MON1B: variants seen among roughly 807,000 people sequenced by gnomAD.
The protein encoded by MON1B is MON1 vesicular trafficking associated B, also known as vacuolar fusion protein MON1 homolog B.
A neutral mutation model predicts 45.1 loss-of-function variants in MON1B; 26 were observed. That is an observed-to-expected ratio of 0.58 (90% CI 0.42 to 0.80). MON1B has a LOEUF of 0.80. MON1B is among the 30% of genes least tolerant of loss of function. The pLI is 0.00. For synonymous variants in MON1B, 395 were observed against 320.2 expected, an observed-to-expected ratio of 1.23 and a Z score of -2.49; for missense variants, 737 against 754.5, an observed-to-expected ratio of 0.98 and a Z score of 0.27.
In MON1B at chr16:77,194,236, GGTGT is replaced by G. The variant is rs1597375419; in HGVS notation, c.476-94_476-91del. 9.2e-7 allele frequency: 1 copy of G among 1,090,030 alleles called. No individual in the cohort carries two copies. The allele number at this position is 1,090,030 out of a possible 1,614,324, so 67.5% of individuals were successfully genotyped here. On this transcript the variant is annotated intron_variant, in intron 3 of 5. Transcript: ENST00000248248. This position sits in a 1 kb window ranked among gnomAD's most constrained non-coding sequence, Gnocchi z 8.1. ...AGAGTGAGCATGTGGACTCGGGCCT[GGTGT>G]GTGTATGGTAGGAGAGGGCAGAAGA...
In MON1B at chr16:77,200,121, G is replaced by C. The variant is rs2142507305; in HGVS notation, c.*1813G>C. On this transcript the variant is annotated 3_prime_UTR_variant, in exon 6 of 6. Coordinates refer to ENST00000248248, the MANE Select transcript of MON1B (RefSeq NM_014940.4). ...CCGAGGCGGGCGGATCACGAGGTTA[G>C]GAGTTCGAGGCCAGCCTGACCAACA... 1 of 150,600 alleles carries C rather than the reference G, an allele frequency of 6.6e-6. No individual in the cohort carries two copies. The highest frequency in any genetic ancestry group is 1.5e-5 in the Non-Finnish European group (1 of 67,656). 9.3% of individuals were successfully genotyped at this position (150,600 alleles called of 1,614,324 possible).
Position 77,198,680 on chromosome 16 carries a change from G to A in MON1B, c.*372G>A. 1 of 281,578 alleles carries A rather than the reference G, an allele frequency of 3.6e-6. No individual in the cohort carries two copies. The highest frequency in any genetic ancestry group is 6.8e-6 in the Non-Finnish European group (1 of 146,774). The allele number at this position is 281,578 out of a possible 1,614,324, so 17.4% of individuals were successfully genotyped here. ...CTGAGTGTCCAGATCTGGCCAAGGT[G>A]TCTAGGGTGGCCCACGGGGGTGCTG... is the stretch of plus-strand genomic sequence containing the variant. On this transcript the variant is annotated 3_prime_UTR_variant, in exon 6 of 6. Transcript: ENST00000248248.
rs895041630 is a variant in MON1B at position 77,200,851 on chromosome 16, G to A, written c.*2543G>A. ...TTTTTGTTATAGAAATATTCAAAGT[G>A]TACCAACGTAGAGAAAATAGCTTTA... is the stretch of plus-strand genomic sequence containing the variant. On this transcript the variant is annotated 3_prime_UTR_variant, in exon 6 of 6. Transcript: ENST00000248248. 1 of 151,632 alleles carries A rather than the reference G, an allele frequency of 6.6e-6. No individual in the cohort carries two copies. The highest frequency in any genetic ancestry group is 2.4e-5 in the African/African-American group (1 of 41,242). 9.4% of individuals were successfully genotyped at this position (151,632 alleles called of 1,614,324 possible).
In MON1B at chr16:77,194,287, C is replaced by T. The variant is rs2054641449; in HGVS notation, c.476-48C>T. ...AAGAGCCCCACTGTCTCCCTCTGGT[C>T]ATTCCTGATCCAGCTGTACCCCCCC... On this transcript the variant is annotated intron_variant, in intron 3 of 5. Coordinates refer to ENST00000248248, the MANE Select transcript of MON1B (RefSeq NM_014940.4). This position sits in a 1 kb window ranked among gnomAD's most constrained non-coding sequence, Gnocchi z 8.1. The T allele has an allele frequency of 6.6e-7, 1 of 1,514,384 alleles. No homozygotes were observed. The highest frequency in any genetic ancestry group is 9.1e-7 in the Non-Finnish European group (1 of 1,103,218). The allele number at this position is 1,514,384 out of a possible 1,614,324, so 93.8% of individuals were successfully genotyped here. A position where few individuals can be genotyped will look rare whatever the true frequency, so the allele number is the denominator to read the frequency against.
chr16:77,191,724 T>A, intron 2 of MON1B, 91 bp downstream of exon 2: 1 of 1,430,876 alleles, frequency 7.0e-7, no homozygotes, highest in Non-Finnish European at 9.4e-7. Context: ...CAGTAGGGAG[T>A]CTTGGGACTT....
Position 77,193,474 on chromosome 16 carries a change from C to T in MON1B, c.172C>T (p.Pro58Ser), listed in dbSNP as rs1235452426. Residue 58 changes from proline to serine, a missense_variant, in exon 3 of 6, where the codon CCC becomes TCC. Physicochemically the swap from Pro to Ser is moderately conservative, Grantham distance 74 (BLOSUM62 -1). Transcript: ENST00000248248. This position sits in a 1 kb window ranked among gnomAD's most constrained non-coding sequence, Gnocchi z 5.0. ...AGGATCCAAGGACAAGGACCAGCCA[C>T]CCAGCCCATCACCACCGCCCCAGTC... Reference protein sequence around the residue: ...ETGSKDKDQPPSPSPPPQSEA... With the variant: ...ETGSKDKDQPSSPSPPPQSEA... 3 of 1,573,892 alleles carry T rather than the reference C, an allele frequency of 1.9e-6. No individual in the cohort carries two copies. The highest frequency in any genetic ancestry group is 1.2e-5 in the South Asian group (1 of 84,962).
In MON1B at chr16:77,194,790, G is replaced by C; in HGVS notation, c.931G>C (p.Val311Leu). Reference protein sequence around the residue: ...PADLQLLLDWVGAPAFAAGEA... With the variant: ...PADLQLLLDWLGAPAFAAGEA... The stretch of plus-strand genomic sequence containing the variant: ...TGACCTGCAGTTGCTGCTCGACTGG[G>C]TGGGTGCACCAGCCTTTGCGGCGGG... The change falls in exon 4 of 6, where the codon GTG (valine) becomes CTG (leucine). Residue 311 changes from valine (V) to leucine (L), a missense_variant. Coordinates refer to ENST00000248248, the MANE Select transcript of MON1B (RefSeq NM_014940.4). This position sits in a 1 kb window ranked among gnomAD's most constrained non-coding sequence, Gnocchi z 8.1. 1 of 1,613,818 alleles carries C rather than the reference G, an allele frequency of 6.2e-7. No individual in the cohort carries two copies. The highest frequency in any genetic ancestry group is 8.5e-7 in the Non-Finnish European group (1 of 1,180,004).
In MON1B at chr16:77,193,357, C is replaced by T. The variant is rs2054632529; in HGVS notation, c.149-94C>T. The T allele has an allele frequency of 6.4e-6, 8 of 1,251,140 alleles. No individual in the cohort carries two copies. Among genetic ancestry groups the T allele is most frequent in the Non-Finnish European group, 8.9e-6 (8 of 899,694 alleles). The allele number at this position is 1,251,140 out of a possible 1,614,324, so 77.5% of individuals were successfully genotyped here. A position where few individuals can be genotyped will look rare whatever the true frequency, so the allele number is the denominator to read the frequency against. On this transcript the variant is annotated intron_variant, in intron 2 of 5. Transcript: ENST00000248248. The surrounding 1 kb of genome is among the most constrained non-coding windows in gnomAD (Gnocchi z 5.0). ...GAGTTCTGCGTCAGCATGCAGGGGT[C>T]ATGGAGGGGCTAGTAGATATTTGGT...
rs753152585 is a variant in MON1B, at chr16:77,194,291, C to T, written c.476-44C>T. ...GCCCCACTGTCTCCCTCTGGTCATT[C>T]CTGATCCAGCTGTACCCCCCCTTCT... On this transcript the variant is annotated intron_variant, in intron 3 of 5. Coordinates refer to ENST00000248248, the MANE Select transcript of MON1B (RefSeq NM_014940.4). This position sits in a 1 kb window ranked among gnomAD's most constrained non-coding sequence, Gnocchi z 8.1. 1 of 1,537,456 alleles carries T rather than the reference C, an allele frequency of 6.5e-7. No homozygotes were observed. The highest frequency in any genetic ancestry group is 1.7e-5 in the Admixed American group (1 of 59,914).
chr16:77,200,291 T>TATATATATATATATATATATATACACAC lies in MON1B; in HGVS notation c.*1984_*1985insTATATATATATATATATATATACACACA. On this transcript the variant is annotated 3_prime_UTR_variant, in exon 6 of 6. Transcript: ENST00000248248. The stretch of plus-strand genomic sequence containing the variant: ...ATATATGTGTATATATATATATATA[T>TATATATATATATATATATATATACACAC]ACACACACTAATCAGCCGGGCGCGG... 7.2e-5 allele frequency: 8 copies of TATATATATATATATATATATATACACAC among 111,436 alleles called. No individual in the cohort carries two copies. Among genetic ancestry groups the TATATATATATATATATATATATACACAC allele is most frequent in the African/African-American group, 2.7e-4 (8 of 29,776 alleles). 6.9% of individuals were successfully genotyped at this position (111,436 alleles called of 1,614,324 possible).
In MON1B at chr16:77,194,572, A is replaced by C. The variant is rs764842095; in HGVS notation, c.713A>C (p.Gln238Pro). ...TLDRLLDSME[Q>P]DPGALLLGAV... ...GACCGACTTCTGGACAGTATGGAGCAGGACCCAGGAGCCCTGCTCCTGGGT... is the reference window on the plus strand; with the variant it reads ...GACCGACTTCTGGACAGTATGGAGCCGGACCCAGGAGCCCTGCTCCTGGGT... Residue 238 changes from glutamine (Q) to proline (P), a missense_variant, in exon 4 of 6, where the codon CAG (glutamine) becomes CCG (proline). Physicochemically the swap from Gln to Pro is moderately conservative, Grantham distance 76. Transcript: ENST00000248248. This position sits in a 1 kb window ranked among gnomAD's most constrained non-coding sequence, Gnocchi z 8.1. 1 of 1,613,832 alleles carries C rather than the reference A, an allele frequency of 6.2e-7. No homozygotes were observed. The highest frequency in any genetic ancestry group is 8.5e-7 in the Non-Finnish European group (1 of 1,179,926).
chr16:77,191,542 G>A lies in MON1B; in HGVS notation c.57G>A (p.Glu19=). 6.2e-7 allele frequency: 1 copy of A among 1,609,616 alleles called. No homozygotes were observed. Among genetic ancestry groups the A allele is most frequent in the Non-Finnish European group, 8.5e-7 (1 of 1,178,822 alleles). The part of the protein sequence containing the change: ...APAPGGAEDL[E]DTQFPSEEAR... ...CCCCCGGGGGCGCGGAGGACTTGGA[G>A]GACACGCAGTTCCCCAGTGAGGAAG... Residue 19 remains glutamate (E), a synonymous_variant, in exon 2 of 6, where the codon GAG becomes GAA. Coordinates refer to ENST00000248248, the MANE Select transcript of MON1B (RefSeq NM_014940.4).
chr16:77,199,411 A>G lies in MON1B; in HGVS notation c.*1103A>G, dbSNP rs2054704082. On this transcript the variant is annotated 3_prime_UTR_variant, in exon 6 of 6. Transcript: ENST00000248248. Reference sequence around the variant, plus strand: ...CCCTCACGTGGTTTCTTTTTTAACCAGTCATCAAGCGAGGCTCGCGCGCAG... The same window carrying G: ...CCCTCACGTGGTTTCTTTTTTAACCGGTCATCAAGCGAGGCTCGCGCGCAG... 4.5e-6 allele frequency: 7 copies of G among 1,545,906 alleles called. No homozygotes were observed. The highest frequency in any genetic ancestry group is 1.4e-5 in the African/African-American group (1 of 72,682).
At chr16:77,197,401 C>CA (rs893920752) in intron 5 of MON1B, among the ~76,000 whole-genome samples, 9 of 151,966 alleles carry the variant, frequency 5.9e-5, no homozygotes, top group Non-Finnish European at 1.0e-4. Context: ...ACGTCAAAAA[C>CA]AAAAAAACAA....
Position 77,199,485 on chromosome 16 carries a change from G to T in MON1B, c.*1177G>T. 7.1e-6 allele frequency: 11 copies of T among 1,551,538 alleles called. No homozygotes were observed. The highest frequency in any genetic ancestry group is 8.7e-6 in the Non-Finnish European group (10 of 1,146,964). On this transcript the variant is annotated 3_prime_UTR_variant, in exon 6 of 6. Transcript: ENST00000248248. ...GAAGCTGAAACCTCTGAATGTGGAG[G>T]CGCCAGAAGCTACTGAGGAGGCTGA...
chr16:77,191,320 A>G (rs2054612503), intron 1 of MON1B, 62 bp downstream of exon 1: 15 of 1,535,780 alleles, frequency 9.8e-6, no homozygotes, highest in South Asian at 4.7e-5. Context: ...AAAGTGTTGG[A>G]GGGGGGACGT....
chr16:77,198,686 G>T lies in MON1B; in HGVS notation c.*378G>T, dbSNP rs905258221. The T allele has an allele frequency of 1.1e-5, 3 of 273,390 alleles. No individual in the cohort carries two copies. Among genetic ancestry groups the T allele is most frequent in the South Asian group, 4.8e-5 (1 of 20,624 alleles). 16.9% of individuals were successfully genotyped at this position (273,390 alleles called of 1,614,324 possible). On this transcript the variant is annotated 3_prime_UTR_variant, in exon 6 of 6. Coordinates refer to ENST00000248248, the MANE Select transcript of MON1B (RefSeq NM_014940.4). ...GTCCAGATCTGGCCAAGGTGTCTAG[G>T]GTGGCCCACGGGGGTGCTGGAATTG...
Position 77,194,056 on chromosome 16 carries a change from C to G in MON1B, c.475+279C>G. 1.7e-6 allele frequency: 1 copy of G among 599,122 alleles called. No individual in the cohort carries two copies. The highest frequency in any genetic ancestry group is 3.0e-6 in the Non-Finnish European group (1 of 337,254). The allele number at this position is 599,122 out of a possible 1,614,324, so 37.1% of individuals were successfully genotyped here. On this transcript the variant is annotated intron_variant, in intron 3 of 5. Coordinates refer to ENST00000248248, the MANE Select transcript of MON1B (RefSeq NM_014940.4). The surrounding 1 kb of genome is among the most constrained non-coding windows in gnomAD (Gnocchi z 8.1). The stretch of plus-strand genomic sequence containing the variant: ...TGGGGGCTGTGTGGTTGAGCTGTGT[C>G]TTTCTGGCTCTGTGTCAGCCCTTGT...
intron 5 of MON1B, among the ~76,000 whole-genome samples, chr16:77,196,421 G>C (rs1419601741): frequency 6.6e-6 from 1 of 152,184 alleles, no homozygotes; most frequent in Non-Finnish European, 1.5e-5. Context: ...CGCCTGGTCA[G>C]ATGGTGGTTT....
Sources: gnomAD v4.1 joint callset for allele counts (sites outside exome capture counted in the v4.1 genomes callset) on GRCh38, gnomAD v4.1.1 for gene constraint, Gnocchi (gnomAD v3.1) non-coding constraint, MANE v1.5 for transcripts, NCBI Gene and HGNC (gene_info 2026-07-23, HGNC 2026-07-21) for gene names.